Variants in MYO3B observed in about 807,000 individuals in gnomAD.
The protein encoded by MYO3B is myosin-IIIb.
In MYO3B, 156 loss-of-function variants were observed where a neutral mutation model predicts 174.6. The observed-to-expected ratio is 0.89, with a 90% CI of 0.78 to 1.02. MYO3B has a LOEUF of 1.02. Among genes scored for constraint, MYO3B ranks in the 50% least tolerant of loss-of-function variants. The pLI is 0.00. For missense variants in MYO3B, 1,632 were observed against 1,639.4 expected (o/e 1.00, Z 0.08); for synonymous variants, 563 against 569.1 (o/e 0.99, Z 0.15).
intron 32 of MYO3B, among the ~76,000 whole-genome samples, chr2:170,649,028 AAAT>A (rs1469234845): frequency 2.8e-4 from 21 of 75,848 alleles, no homozygotes; most frequent in African/African-American, 1.1e-3. Context: ...ATAATATATA[AAAT>A]AATATATAAT....
At chr2:170,428,916 T>C (rs555431443) in intron 22 of MYO3B, among the ~76,000 whole-genome samples, 1 of 152,280 alleles carries the variant, frequency 6.6e-6, no homozygotes, top group South Asian at 2.1e-4. Context: ...GGAATCCAAG[T>C]TTCTCACTTT....
At chr2:170,379,246 A>G (rs899543479) in intron 9 of MYO3B, among the ~76,000 whole-genome samples, 3 of 145,614 alleles carry the variant, frequency 2.1e-5, no homozygotes, top group Admixed American at 7.0e-5. Context: ...CCAGGTTGGC[A>G]TGCAGTGGCT....
chr2:170,485,418 C>CAG (rs1386921638), intron 25 of MYO3B, among the ~76,000 whole-genome samples: 32,606 of 128,764 alleles, frequency 0.25, 4,293 homozygotes, highest in East Asian at 0.41. Flanking sequence ...CACACACACA[C>CAG]ACAGAGAGAG....
chr2:170,321,372 G>A (rs772480110), intron 7 of MYO3B, among the ~76,000 whole-genome samples: 7 of 151,806 alleles, frequency 4.6e-5, no homozygotes, highest in Admixed American at 1.3e-4. Flanking sequence ...GAGCTTTTTC[G>A]GGACAAAAAT....
chr2:170,223,203 T>C (rs1366717867), intron 6 of MYO3B, among the ~76,000 whole-genome samples: 3 of 152,166 alleles, frequency 2.0e-5, no homozygotes, highest in Non-Finnish European at 4.4e-5. Flanking sequence ...CTTTACCTGA[T>C]TAAGCCTCTC....
chr2:170,377,861 A>G (rs2094306082), intron 9 of MYO3B, among the ~76,000 whole-genome samples: 1 of 152,208 alleles, frequency 6.6e-6, no homozygotes, highest in Non-Finnish European at 1.5e-5. Context: ...CTGTTTATCC[A>G]TTCATTTATC....
At chr2:170,404,158 T>G in intron 19 of MYO3B, 89 bp from the exon 20 acceptor site, 1 of 1,342,340 alleles carries the variant, frequency 7.4e-7, no homozygotes, top group Admixed American at 2.3e-5. Context: ...CATTCAATGT[T>G]GCTAGACCCA....
chr2:170,620,629 C>T (rs1695831632), intron 32 of MYO3B, among the ~76,000 whole-genome samples: 1 of 152,148 alleles, frequency 6.6e-6, no homozygotes, highest in African/African-American at 2.4e-5. Flanking sequence ...CTTCATGTTC[C>T]CATTGGTTAC....
At chr2:170,519,058 A>C (rs920659608) in intron 29 of MYO3B, among the ~76,000 whole-genome samples, 1 of 152,196 alleles carries the variant, frequency 6.6e-6, no homozygotes, top group South Asian at 2.1e-4. Flanking sequence ...CACATCAGCA[A>C]GCAGCCTAGC....
intron 8 of MYO3B, among the ~76,000 whole-genome samples, chr2:170,345,620 G>A (rs2094009999): frequency 6.6e-6 from 1 of 151,992 alleles, no homozygotes; most frequent in Non-Finnish European, 1.5e-5. Flanking sequence ...CTCAAGCAGT[G>A]CTTCACACAC....
At chr2:170,399,265 AAGAG>A (rs534114607) in intron 16 of MYO3B, among the ~76,000 whole-genome samples, 1 of 104,242 alleles carries the variant, frequency 9.6e-6, no homozygotes, top group Admixed American at 8.6e-5. Flanking sequence ...AAAAAAAAAA[AAGAG>A]AGAGACCAGT....
chr2:170,580,390 C>T (rs186748187), intron 32 of MYO3B, among the ~76,000 whole-genome samples: 45 of 152,288 alleles, frequency 3.0e-4, no homozygotes, highest in African/African-American at 8.9e-4. Context: ...GTAATCCCAA[C>T]GCTTTAGGAG....
chr2:170,240,046 G>A lies in MYO3B; in HGVS notation c.749+3910G>A, dbSNP rs141303081. Among the ~76,000 whole-genome samples, 5 of 152,178 alleles carry A rather than the reference G, an allele frequency of 3.3e-5. 1 individual carries two copies. The East Asian group carries it at 5.8e-4, about 18-fold the overall frequency. On this transcript the variant is annotated intron_variant, in intron 7 of 34. Transcript: ENST00000408978. Reference sequence around the variant, plus strand: ...GTTTTCACATGGCCGCCTTTCCCACGTCTTTGGGTCTTCTTTTCTGGTCTC... The same window carrying A: ...GTTTTCACATGGCCGCCTTTCCCACATCTTTGGGTCTTCTTTTCTGGTCTC...
intron 32 of MYO3B, among the ~76,000 whole-genome samples, chr2:170,572,412 A>G (rs1017916177): frequency 4.0e-5 from 6 of 150,710 alleles, no homozygotes; most frequent in Non-Finnish European, 5.9e-5. Context: ...TGGGTGACAG[A>G]GCAAGACTCT....
At chr2:170,584,014 C>T (rs972547) in intron 32 of MYO3B, among the ~76,000 whole-genome samples, 46,731 of 152,158 alleles carry the variant, frequency 0.31, 8,871 homozygotes, top group East Asian at 0.72. Flanking sequence ...CTGTCTTGTT[C>T]TCTTTCCTTC....
intron 34 of MYO3B, 37 bp from the exon 35 acceptor site, chr2:170,652,946 T>C (rs768421287): frequency 5.6e-6 from 9 of 1,611,458 alleles, no homozygotes; most frequent in Non-Finnish European, 7.6e-6. Context: ...ATTTGTTTTA[T>C]TTTTTGTTGA....
chr2:170,412,514 A>C (rs2094552297), intron 22 of MYO3B: 1 of 152,170 alleles, frequency 6.6e-6, no homozygotes, highest in African/African-American at 2.4e-5. Context: ...TCAACAATAA[A>C]GTATCTGTTT....
intron 32 of MYO3B, among the ~76,000 whole-genome samples, chr2:170,585,967 C>A (rs116551366): frequency 0.15 from 22,099 of 151,898 alleles, 1,793 homozygotes; most frequent in East Asian, 0.32. Flanking sequence ...CTGAGGCAGG[C>A]CAGGGGGAGG....
chr2:170,533,490 A>G (rs1689487936), intron 30 of MYO3B, among the ~76,000 whole-genome samples: 1 of 152,090 alleles, frequency 6.6e-6, no homozygotes, highest in Admixed American at 6.6e-5. Context: ...GGTGTAATAA[A>G]TGGTCTCTGA....
Sources: gnomAD v4.1 joint callset for allele counts (sites outside exome capture counted in the v4.1 genomes callset) on GRCh38, gnomAD v4.1.1 for gene constraint, MANE v1.5 for transcripts, NCBI Gene and HGNC (gene_info 2026-07-23, HGNC 2026-07-21) for gene names.